LRRFIP1: variants seen among roughly 807,000 people sequenced by gnomAD.
LRRFIP1 encodes the protein leucine-rich repeat flightless-interacting protein 1.
In LRRFIP1, 62 loss-of-function variants were observed where a neutral mutation model predicts 104.4. That is an observed-to-expected ratio of 0.59 (90% confidence interval 0.48 to 0.73). The LOEUF (loss-of-function observed/expected upper bound fraction) is 0.73, where lower values mean the gene tolerates loss of function less well. LRRFIP1 is among the 30% of genes least tolerant of loss of function. The probability of loss-of-function intolerance (pLI) is 0.00; values close to 1 mark genes in which losing one functional copy is unlikely to be tolerated. For missense variants in LRRFIP1, 796 were observed against 824.5 expected (o/e 0.97, Z 0.42); for synonymous variants, 300 against 299.0 (o/e 1.00, Z -0.03).
chr2:237,715,220 G>T (rs1275078562), intron 3 of LRRFIP1, among the ~76,000 whole-genome samples: 1 of 152,186 alleles, frequency 6.6e-6, no homozygotes, highest in African/African-American at 2.4e-5. Context: ...CTGTCCCGAA[G>T]AGTGCAAAGA....
At chr2:237,645,763 G>A (rs569349299) in intron 1 of LRRFIP1, among the ~76,000 whole-genome samples, 1 of 152,092 alleles carries the variant, frequency 6.6e-6, no homozygotes, top group South Asian at 2.1e-4. Context: ...AAACAAGGGT[G>A]AGCAATGGAA....
chr2:237,757,492 A>C lies in LRRFIP1; in HGVS notation c.1168A>C (p.Ile390Leu). ...RQLQQKQASSIREISDLQETI... is the reference protein window; with the variant it reads ...RQLQQKQASSLREISDLQETI... ...GCTACAGCAGAAACAGGCGAGTTCT[A>C]TCAGGGAGATTTCTGATCTTCAGGA... The change falls in exon 17 of 24, where the codon ATC (isoleucine) becomes CTC (leucine). Residue 390 changes from isoleucine to leucine, a missense_variant. Transcript: ENST00000308482. 1 of 1,597,414 alleles carries C rather than the reference A, an allele frequency of 6.3e-7. No homozygotes were observed. Among genetic ancestry groups the C allele is most frequent in the African/African-American group, 1.3e-5 (1 of 74,758 alleles).
intron 1 of LRRFIP1, among the ~76,000 whole-genome samples, chr2:237,687,964 A>AGCTGTGAGAAC (rs1246664156): frequency 6.6e-6 from 1 of 152,166 alleles, no homozygotes; most frequent in Admixed American, 6.5e-5. Context: ...TGTGGCCCCA[A>AGCTGTGAGAAC]ATTGGCTAAC....
At chr2:237,745,624 G>A (rs1398542163) in intron 11 of LRRFIP1, among the ~76,000 whole-genome samples, 2 of 152,150 alleles carry the variant, frequency 1.3e-5, no homozygotes, top group Non-Finnish European at 2.9e-5. Flanking sequence ...TGTGGACCCC[G>A]TGTGTTTTCT....
chr2:237,719,680 T>C, intron 5 of LRRFIP1, 113 bp downstream of exon 5: 1 of 641,452 alleles, frequency 1.6e-6, no homozygotes. Flanking sequence ...TATCATCTCT[T>C]AAAGAAATTA....
At chr2:237,749,176 A>G (rs775874008) in intron 12 of LRRFIP1, 23 bp from the exon 13 acceptor site, 3 of 1,610,400 alleles carry the variant, frequency 1.9e-6, no homozygotes, top group Admixed American at 3.4e-5. Context: ...CCATATCAGC[A>G]TGTGATCCTC....
rs898749247 is a variant in LRRFIP1 at position 237,661,812 on chromosome 2, C to A, written c.96+34072C>A. Among the ~76,000 whole-genome samples the A allele has an allele frequency of 5.3e-5, 8 of 152,168 alleles. No homozygotes were observed. Among genetic ancestry groups the A allele is most frequent in the African/African-American group, 1.9e-4 (8 of 41,426 alleles). On this transcript the variant is annotated intron_variant, in intron 1 of 23. Transcript: ENST00000308482. The surrounding 1 kb of genome is among the most constrained non-coding windows in gnomAD (Gnocchi z 4.4). Reference sequence around the variant, plus strand: ...GAGTCAATCCGCTGTAGTTCTGTGGCCCAGCTGAGTGGCATAGGCTCTCCT... The same window carrying A: ...GAGTCAATCCGCTGTAGTTCTGTGGACCAGCTGAGTGGCATAGGCTCTCCT...
intron 1 of LRRFIP1, among the ~76,000 whole-genome samples, chr2:237,664,972 G>A (rs1384413098): frequency 6.6e-6 from 1 of 152,190 alleles, no homozygotes; most frequent in Non-Finnish European, 1.5e-5. Flanking sequence ...TTCTTTGGAA[G>A]CTAACAAATG....
chr2:237,727,198 A>G (rs2094790991), intron 7 of LRRFIP1, among the ~76,000 whole-genome samples: 1 of 152,102 alleles, frequency 6.6e-6, no homozygotes, highest in Non-Finnish European at 1.5e-5. Flanking sequence ...TCTACTAAAA[A>G]TGCAAAAATT....
chr2:237,719,970 CAG>C (rs763663900), intron 5 of LRRFIP1, among the ~76,000 whole-genome samples: 83 of 109,426 alleles, frequency 7.6e-4, no homozygotes, highest in South Asian at 4.2e-3. Context: ...TTTTTTGAGA[CAG>C]AGTCTCGCTT....
chr2:237,769,991 A>G lies in LRRFIP1; in HGVS notation c.1508A>G (p.Gln503Arg), dbSNP rs1165771890. ...LVDERECLLE[Q>R]IKKLKGQLEE... Reference sequence around the variant, plus strand: ...GATGAACGGGAATGCTTATTGGAACAGGTAACAATCTTTTTATTACTTTAC... The same window carrying G: ...GATGAACGGGAATGCTTATTGGAACGGGTAACAATCTTTTTATTACTTTAC... Residue 503 changes from glutamine (Q) to arginine (R), a missense_variant and splice_region_variant, in exon 20 of 24, where the codon CAG (glutamine) becomes CGG (arginine). Physicochemically the swap from Gln to Arg is conservative, Grantham distance 43. Transcript: ENST00000308482. 1.2e-6 allele frequency: 2 copies of G among 1,602,056 alleles called. No homozygotes were observed. Among genetic ancestry groups the G allele is most frequent in the Non-Finnish European group, 1.7e-6 (2 of 1,173,322 alleles).
Position 237,703,651 on chromosome 2 carries a change from C to G in LRRFIP1, c.97-4893C>G, listed in dbSNP as rs1046942489. Among the ~76,000 whole-genome samples the G allele has an allele frequency of 6.6e-6, 1 of 152,012 alleles. No individual in the cohort carries two copies. The highest frequency in any genetic ancestry group is 2.4e-5 in the African/African-American group (1 of 41,376). Reference sequence around the variant, plus strand: ...CAGCCCCCCGGGGTTGGGTCAAGTTCTCCAGAGCAGCCCCCGCCCCTGCCA... The same window carrying G: ...CAGCCCCCCGGGGTTGGGTCAAGTTGTCCAGAGCAGCCCCCGCCCCTGCCA... On this transcript the variant is annotated intron_variant, in intron 1 of 23. Transcript: ENST00000308482. The surrounding 1 kb of genome is among the most constrained non-coding windows in gnomAD (Gnocchi z 4.3).
chr2:237,692,013 C>A (rs2092808252), intron 1 of LRRFIP1: 2 of 202,954 alleles, frequency 9.9e-6, no homozygotes, highest in Non-Finnish European at 1.5e-5. Context: ...GGGGCGTAAC[C>A]GGGAGGGACC....
chr2:237,711,870 C>G lies in LRRFIP1; in HGVS notation c.184-2389C>G, dbSNP rs374450134. 5.9e-5 allele frequency among the ~76,000 whole-genome samples: 9 copies of G among 152,324 alleles called. No individual in the cohort carries two copies. In the South Asian group the frequency reaches 1.9e-3, roughly 32 times the overall value. On this transcript the variant is annotated intron_variant, in intron 2 of 23. Coordinates refer to ENST00000308482, the MANE Select transcript of LRRFIP1 (RefSeq NM_001137550.2). The surrounding 1 kb of genome is among the most constrained non-coding windows in gnomAD (Gnocchi z 4.4). ...GCTGCCCTGGGAGACGAGAGCCAGA[C>G]GAGGAAGGGCCAGCCCAGTCAGCCC...
At position 237,676,600 on chromosome 2, in the gene LRRFIP1, G is replaced by A. The variant is rs150005696; in HGVS notation, c.97-31944G>A. On this transcript the variant is annotated intron_variant, in intron 1 of 23. Transcript: ENST00000308482. Reference sequence around the variant, plus strand: ...GGCTCATTGCAACCTCCGCCTCTCCGGTTCAAGGGATTCCCGTGCCTCAGC... The same window carrying A: ...GGCTCATTGCAACCTCCGCCTCTCCAGTTCAAGGGATTCCCGTGCCTCAGC... Among the ~76,000 whole-genome samples the A allele has an allele frequency of 3.0e-4, 46 of 152,252 alleles. 1 individual carries two copies. The East Asian group carries it at 5.4e-3, about 18-fold the overall frequency.
chr2:237,771,958 G>T (rs1273968592), intron 20 of LRRFIP1, 123 bp from the exon 21 acceptor site: 2 of 654,352 alleles, frequency 3.1e-6, no homozygotes, highest in Non-Finnish European at 5.5e-6. Flanking sequence ...GAAGAGTACT[G>T]ATGGACACAA....
chr2:237,706,843 G>A (rs2093835497), intron 1 of LRRFIP1, among the ~76,000 whole-genome samples: 1 of 152,136 alleles, frequency 6.6e-6, no homozygotes, highest in Admixed American at 6.5e-5. Flanking sequence ...ACCCAGGCTG[G>A]TCTCGAACTC....
intron 2 of LRRFIP1, among the ~76,000 whole-genome samples, chr2:237,710,753 GA>G (rs34002688): frequency 0.19 from 28,303 of 152,134 alleles, 3,040 homozygotes; most frequent in East Asian, 0.31. Flanking sequence ...TCATCGATTT[GA>G]ATGGCCCCCT....
intron 1 of LRRFIP1, among the ~76,000 whole-genome samples, chr2:237,700,559 TAGG>T (rs1325021355): frequency 6.6e-6 from 1 of 152,230 alleles, no homozygotes; most frequent in Non-Finnish European, 1.5e-5. Flanking sequence ...GTGTAATTAA[TAGG>T]AGAACTTCCT....
Sources: allele counts gnomAD v4.1 joint callset (sites outside exome capture counted in the v4.1 genomes callset), GRCh38; gene constraint gnomAD v4.1.1; non-coding constraint Gnocchi (gnomAD v3.1); transcripts MANE v1.5; gene names NCBI Gene and HGNC (gene_info 2026-07-23, HGNC 2026-07-21).